Variants in UGT2B15 observed in about 807,000 individuals in gnomAD.
UGT2B15 encodes UDP glucuronosyltransferase family 2 member B15.
In UGT2B15, 36 loss-of-function variants were observed where a neutral mutation model predicts 45.9. The observed-to-expected ratio is 0.78, with a 90% confidence interval of 0.60 to 1.04. The LOEUF is 1.04. Among genes scored for constraint, UGT2B15 ranks in the 50% least tolerant of loss-of-function variants. The probability of loss-of-function intolerance (pLI) is 0.00; values close to 1 mark genes in which losing one functional copy is unlikely to be tolerated. For synonymous variants in UGT2B15, 219 were observed against 216.4 expected, an observed-to-expected ratio of 1.01 and a Z score of -0.11; for missense variants, 617 against 622.4, an observed-to-expected ratio of 0.99 and a Z score of 0.09.
Position 68,647,130 on chromosome 4 carries a change from T to C in UGT2B15, c.1567A>G (p.Lys523Glu), listed in dbSNP as rs887927491. Residue 523 changes from lysine to glutamate, a missense_variant, in exon 6 of 6, where the codon AAA becomes GAA. Around this residue, in one of 3 missense-constraint regions of UGT2B15, gnomAD observed 265 missense variants for 245.1 expected, o/e 1.08. Coordinates refer to ENST00000338206, the MANE Select transcript of UGT2B15 (RefSeq NM_001076.4). ...CLFCFRKLAKKGKKKKRD is the reference protein window; with the variant it reads ...CLFCFRKLAKEGKKKKRD The stretch of plus-strand genomic sequence containing the variant: ...TAATCTCTTTTCTTCTTCTTTCCTT[T>C]TTTGGCAAGCTTTCGGAAACAAAAC... The C allele has an allele frequency of 5.0e-6, 8 of 1,613,768 alleles. No homozygotes were observed. The highest frequency in any genetic ancestry group is 5.9e-6 in the Non-Finnish European group (7 of 1,179,760).
At chr4:68,658,789 A>ATAAG (rs1732881861) in intron 3 of UGT2B15, among the ~76,000 whole-genome samples, 2 of 152,070 alleles carry the variant, frequency 1.3e-5, no homozygotes, top group African/African-American at 4.8e-5. Context: ...TTCAACTCAT[A>ATAAG]TAAGTTTTTT....
At chr4:68,668,663 T>A (rs901181751) in intron 1 of UGT2B15, among the ~76,000 whole-genome samples, 1 of 134,718 alleles carries the variant, frequency 7.4e-6, no homozygotes, top group African/African-American at 2.7e-5. Flanking sequence ...GATAGTTTTA[T>A]AAGTGTCTAG....
intron 3 of UGT2B15, among the ~76,000 whole-genome samples, chr4:68,656,529 G>A (rs1355801535): frequency 3.3e-5 from 5 of 151,674 alleles, no homozygotes; most frequent in Non-Finnish European, 5.9e-5. Context: ...CTTTGCAGAC[G>A]CAAAAGAGAA....
At chr4:68,652,062 C>T (rs75836129) in intron 5 of UGT2B15, among the ~76,000 whole-genome samples, 1 of 152,058 alleles carries the variant, frequency 6.6e-6, no homozygotes, top group Admixed American at 6.6e-5. Context: ...GCAGTGGTTT[C>T]TAGTCCTCCC....
rs777090215 is a variant in UGT2B15, at chr4:68,670,481, A to G, written c.138T>C (p.Leu46=). 2 of 1,614,036 alleles carry G rather than the reference A, an allele frequency of 1.2e-6. No homozygotes were observed. The highest frequency in any genetic ancestry group is 1.7e-6 in the Non-Finnish European group (2 of 1,179,986). The part of the protein sequence containing the change: ...WINMKTILEE[L]VQRGHEVTVL... ...CAGTCACCTCATGACCCCTCTGAAC[A>G]AGCTCTTCCAGGATTGTCTTCATAT... The change falls in exon 1 of 6, where the codon CTT becomes CTC. Residue 46 remains leucine (L), a synonymous_variant. Coordinates refer to ENST00000338206, the MANE Select transcript of UGT2B15 (RefSeq NM_001076.4).
intron 2 of UGT2B15, among the ~76,000 whole-genome samples, chr4:68,664,628 G>A (rs1365450529): frequency 6.6e-6 from 1 of 151,000 alleles, no homozygotes; most frequent in Non-Finnish European, 1.5e-5. Flanking sequence ...GTGCAATGAT[G>A]CAATCTTGGC....
chr4:68,647,407 C>G, intron 5 of UGT2B15, 24 bp from the exon 6 acceptor site: 2 of 1,591,836 alleles, frequency 1.3e-6, no homozygotes, highest in Non-Finnish European at 1.7e-6. Flanking sequence ...ATAAAGATAT[C>G]AACATTAAAA....
Position 68,669,886 on chromosome 4 carries a change from A to T in UGT2B15, c.724+9T>A. The T allele has an allele frequency of 6.3e-7, 1 of 1,596,986 alleles. No homozygotes were observed. The highest frequency in any genetic ancestry group is 8.5e-7 in the Non-Finnish European group (1 of 1,175,502). On this transcript the variant is annotated intron_variant, in intron 1 of 5. Transcript: ENST00000338206. ...AACTTAATAAGCACCAGTTAGACAC[A>T]TGACTTACCTAGAACTTCACTATAA...
At chr4:68,659,176 G>T (rs1732891375) in intron 3 of UGT2B15, among the ~76,000 whole-genome samples, 1 of 151,910 alleles carries the variant, frequency 6.6e-6, no homozygotes, top group African/African-American at 2.4e-5. Context: ...AGGGCTTATT[G>T]TTTGGCAAAT....
At chr4:68,661,355 C>T (rs1486704685) in intron 3 of UGT2B15, among the ~76,000 whole-genome samples, 1 of 151,906 alleles carries the variant, frequency 6.6e-6, no homozygotes, top group Non-Finnish European at 1.5e-5. Flanking sequence ...TCTAAATGTA[C>T]TGAGACCTGT....
In UGT2B15 at chr4:68,670,116, G is replaced by C; in HGVS notation, c.503C>G (p.Pro168Arg). ...AGAGAATCGAAGACTGTACAGAAAG[G>C]GTATGTTAAATAGTTCAGCCAGTAG... The part of the protein sequence containing the change: ...GELLAELFNI[P>R]FLYSLRFSVG... Residue 168 changes from proline to arginine, a missense_variant, in exon 1 of 6, where the codon CCC becomes CGC. Pro to Arg is a moderately radical substitution (Grantham distance 103). This residue lies in a region of UGT2B15 where 351 missense variants were observed against 342.1 expected (regional missense o/e 1.03). Coordinates refer to ENST00000338206, the MANE Select transcript of UGT2B15 (RefSeq NM_001076.4). 1.2e-6 allele frequency: 2 copies of C among 1,614,042 alleles called. No homozygotes were observed. Among genetic ancestry groups the C allele is most frequent in the Non-Finnish European group, 1.7e-6 (2 of 1,179,980 alleles).
chr4:68,656,004 C>T (rs879568858), intron 3 of UGT2B15, among the ~76,000 whole-genome samples: 1 of 152,064 alleles, frequency 6.6e-6, no homozygotes, highest in Non-Finnish European at 1.5e-5. Context: ...ATGGCTCAAA[C>T]AAAGAAGACA....
intron 4 of UGT2B15, among the ~76,000 whole-genome samples, chr4:68,654,471 A>AG (rs1280868497): frequency 6.6e-6 from 1 of 151,674 alleles, no homozygotes; most frequent in Non-Finnish European, 1.5e-5. Context: ...GTGCAAAAAA[A>AG]AGAATAAGAT....
intron 2 of UGT2B15, among the ~76,000 whole-genome samples, chr4:68,666,942 T>C (rs6820752): frequency 0.033 from 5,079 of 151,664 alleles, 100 homozygotes; most frequent in Middle Eastern, 0.085. Context: ...AGACGGGGTT[T>C]CACCATGCTG....
At chr4:68,663,530 T>C (rs13128530) in intron 2 of UGT2B15, among the ~76,000 whole-genome samples, 32,316 of 152,044 alleles carry the variant, frequency 0.21, 3,958 homozygotes, top group South Asian at 0.38. Flanking sequence ...GTGGTTCTAC[T>C]AAATCTCTTG....
chr4:68,653,128 C>T (rs1732704202), intron 5 of UGT2B15, among the ~76,000 whole-genome samples: 1 of 151,924 alleles, frequency 6.6e-6, no homozygotes, highest in Non-Finnish European at 1.5e-5. Context: ...CAACAATTTC[C>T]CATATGTCTC....
rs1055229761 is a variant in UGT2B15, at chr4:68,654,347, T to C, written c.1094-91A>G. ...CAATATAAGGAACTTAAAGCAAAACTGTTCCCTAGGTAACATTATACCCAC... is the reference window on the plus strand; with the variant it reads ...CAATATAAGGAACTTAAAGCAAAACCGTTCCCTAGGTAACATTATACCCAC... On this transcript the variant is annotated intron_variant, in intron 4 of 5. Transcript: ENST00000338206. 10 of 1,345,760 alleles carry C rather than the reference T, an allele frequency of 7.4e-6. No homozygotes were observed. In the East Asian group the frequency reaches 1.9e-4, roughly 25 times the overall value. The allele number at this position is 1,345,760 out of a possible 1,614,324, so 83.4% of individuals were successfully genotyped here.
chr4:68,667,051 A>G, intron 2 of UGT2B15, among the ~76,000 whole-genome samples: 1 of 151,444 alleles, frequency 6.6e-6, no homozygotes, highest in East Asian at 1.9e-4. Flanking sequence ...CCGGCCCATC[A>G]TTGACTTTTA....
Position 68,654,525 on chromosome 4 carries a change from G to A in UGT2B15, c.1094-269C>T, listed in dbSNP as rs148047047. 5.8e-3 allele frequency among the ~76,000 whole-genome samples: 878 copies of A among 151,288 alleles called. 12 individuals are homozygous for A. The highest frequency in any genetic ancestry group is 0.02 in the African/African-American group (818 of 41,268). On this transcript the variant is annotated intron_variant, in intron 4 of 5. Coordinates refer to ENST00000338206, the MANE Select transcript of UGT2B15 (RefSeq NM_001076.4). ...GTCTTTTAAGTATTATAAATAATGA[G>A]GTCACATTTACATATTTAAAAAATA...
Sources: gnomAD v4.1 joint callset for allele counts (sites outside exome capture counted in the v4.1 genomes callset) on GRCh38, gnomAD v4.1.1 for gene constraint, gnomAD v4.1.1 regional missense constraint, MANE v1.5 for transcripts, NCBI Gene and HGNC (gene_info 2026-07-23, HGNC 2026-07-21) for gene names.